Variants in GABRG3 observed in about 807,000 individuals in gnomAD.
The protein encoded by GABRG3 is gamma-aminobutyric acid type A receptor subunit gamma3.
GABRG3 carries 25 observed loss-of-function variants against 48.8 expected under a neutral mutation model. The ratio of observed to expected loss-of-function variants is 0.51; its 90% confidence interval spans 0.37 to 0.72. The LOEUF (loss-of-function observed/expected upper bound fraction) is 0.72, where lower values mean the gene tolerates loss of function less well. Among genes scored for constraint, GABRG3 ranks in the 30% least tolerant of loss-of-function variants. The pLI, the probability that GABRG3 is intolerant of heterozygous loss-of-function variation, is 0.00. For synonymous variants in GABRG3, 227 were observed against 217.6 expected (o/e 1.04, Z -0.38); for missense variants, 394 against 577.9 (o/e 0.68, Z 3.26).
chr15:27,421,260 G>A (rs941837306), intron 5 of GABRG3, among the ~76,000 whole-genome samples: 1 of 152,222 alleles, frequency 6.6e-6, no homozygotes, highest in African/African-American at 2.4e-5. Flanking sequence ...AACTCCCAAA[G>A]AGGAAAAATA....
At chr15:27,100,854 C>T (rs963387249) in intron 3 of GABRG3, among the ~76,000 whole-genome samples, 8 of 152,250 alleles carry the variant, frequency 5.3e-5, no homozygotes, top group East Asian at 3.9e-4. Flanking sequence ...ACAAAATGCA[C>T]GCAGAACTAC....
chr15:27,459,836 T>C (rs1281535681), intron 5 of GABRG3, among the ~76,000 whole-genome samples: 19 of 152,220 alleles, frequency 1.2e-4, no homozygotes, highest in Non-Finnish European at 2.2e-4. Context: ...CAGAAGTTTT[T>C]CCCTCTCATT....
intron 5 of GABRG3, among the ~76,000 whole-genome samples, chr15:27,370,898 ACTAAG>A (rs1254038773): frequency 6.6e-6 from 1 of 152,172 alleles, no homozygotes; most frequent in Non-Finnish European, 1.5e-5. Context: ...ATCAAAACTG[ACTAAG>A]CTATGATTTA....
At chr15:27,305,578 A>C in intron 3 of GABRG3, among the ~76,000 whole-genome samples, 1 of 144,320 alleles carries the variant, frequency 6.9e-6, no homozygotes, top group South Asian at 2.1e-4. Flanking sequence ...GTTTATATAT[A>C]AACATATATA....
intron 6 of GABRG3, among the ~76,000 whole-genome samples, chr15:27,497,372 A>T (rs1303985178): frequency 1.3e-5 from 2 of 152,116 alleles, no homozygotes; most frequent in Admixed American, 6.5e-5. Context: ...CCTTTTGAGA[A>T]TGTCTGCCCA....
At chr15:27,325,768 G>C (rs994514505) in intron 3 of GABRG3, among the ~76,000 whole-genome samples, 9 of 152,118 alleles carry the variant, frequency 5.9e-5, no homozygotes, top group Non-Finnish European at 1.3e-4. Flanking sequence ...GTTAATGAAA[G>C]ACCAGTTGAA....
At chr15:27,186,353 A>G (rs1455078053) in intron 3 of GABRG3, among the ~76,000 whole-genome samples, 1 of 152,072 alleles carries the variant, frequency 6.6e-6, no homozygotes, top group African/African-American at 2.4e-5. Context: ...ATTATTTTTT[A>G]TGGTTGCATA....
intron 3 of GABRG3, among the ~76,000 whole-genome samples, chr15:27,100,261 T>C (rs1413665177): frequency 2.0e-5 from 3 of 151,988 alleles, no homozygotes; most frequent in African/African-American, 7.3e-5. Context: ...ACCAGTTTTT[T>C]TAAATTCACT....
At chr15:27,347,296 G>A (rs1238117831) in intron 5 of GABRG3, among the ~76,000 whole-genome samples, 1 of 152,214 alleles carries the variant, frequency 6.6e-6, no homozygotes, top group African/African-American at 2.4e-5. Flanking sequence ...GGAGCCAACG[G>A]AGGTTTGTTC....
chr15:27,428,220 C>T (rs558082113), intron 5 of GABRG3: 1 of 152,182 alleles, frequency 6.6e-6, no homozygotes. Flanking sequence ...GCAAATAACC[C>T]CTTAAAATGT....
intron 3 of GABRG3, among the ~76,000 whole-genome samples, chr15:27,065,053 G>A (rs925438587): frequency 6.6e-6 from 1 of 152,146 alleles, no homozygotes; most frequent in African/African-American, 2.4e-5. Context: ...GCCGTGTGGT[G>A]GGCTCCTGCA....
chr15:27,528,067 G>A, intron 9 of GABRG3, 75 bp downstream of exon 9: 2 of 1,060,212 alleles, frequency 1.9e-6, no homozygotes, highest in Non-Finnish European at 2.9e-6. Flanking sequence ...AAGATAGATT[G>A]CTGTTGATGC....
chr15:27,458,777 G>C (rs922435536), intron 5 of GABRG3, among the ~76,000 whole-genome samples: 3 of 152,200 alleles, frequency 2.0e-5, no homozygotes, highest in African/African-American at 7.2e-5. Flanking sequence ...AAAAATGGCT[G>C]CAGGTTACTA....
chr15:27,395,673 A>G (rs537205022), intron 5 of GABRG3, among the ~76,000 whole-genome samples: 5 of 152,290 alleles, frequency 3.3e-5, no homozygotes, highest in Admixed American at 3.3e-4. Flanking sequence ...GACATCCATA[A>G]TAAAAAAATG....
At chr15:27,483,199 A>G (rs371188022) in intron 6 of GABRG3, 1 of 152,274 alleles carries the variant, frequency 6.6e-6, no homozygotes, top group East Asian at 1.9e-4. Flanking sequence ...TAAAATCAAG[A>G]TGGCAGGCTT....
At chr15:27,086,666 G>A (rs887495457) in intron 3 of GABRG3, among the ~76,000 whole-genome samples, 6 of 152,076 alleles carry the variant, frequency 3.9e-5, no homozygotes, top group African/African-American at 7.2e-5. Context: ...TTCAATGGGC[G>A]GTTTATTTGA....
At position 27,306,679 on chromosome 15, in the gene GABRG3, T is replaced by TACA. The variant is rs1566768796; in HGVS notation, c.271-20129_271-20128insCAA. The stretch of plus-strand genomic sequence containing the variant: ...ATATGAACATGTTTATATATAAACA[T>TACA]ATATATGAACATGTTTATATATAAA... On this transcript the variant is annotated intron_variant, in intron 3 of 9. Transcript: ENST00000615808. 4.7e-4 allele frequency among the ~76,000 whole-genome samples: 38 copies of TACA among 80,672 alleles called. 1 individual carries two copies. The highest frequency in any genetic ancestry group is 5.6e-4 in the South Asian group (2 of 3,556). 52.9% of individuals were successfully genotyped at this position (80,672 alleles called of 152,430 possible). A position where few individuals can be genotyped will look rare whatever the true frequency, so the allele number is the denominator to read the frequency against.
At chr15:27,343,847 T>C (rs1894273831) in intron 5 of GABRG3, among the ~76,000 whole-genome samples, 1 of 152,252 alleles carries the variant, frequency 6.6e-6, no homozygotes, top group African/African-American at 2.4e-5. Flanking sequence ...AATCCAATTA[T>C]TATTTTTTAT....
At chr15:27,039,261 A>AGAAG (rs961414374) in intron 3 of GABRG3, among the ~76,000 whole-genome samples, 4 of 152,160 alleles carry the variant, frequency 2.6e-5, no homozygotes, top group African/African-American at 9.7e-5. Context: ...TGGGCCTAGG[A>AGAAG]GAAGGATCAG....
Sources: gnomAD v4.1 joint callset for allele counts (sites outside exome capture counted in the v4.1 genomes callset) on GRCh38, gnomAD v4.1.1 for gene constraint, MANE v1.5 for transcripts, NCBI Gene and HGNC (gene_info 2026-07-23, HGNC 2026-07-21) for gene names.